The following ZNF563 variants were observed in gnomAD, a reference collection of about 807,000 sequenced individuals.
ZNF563 encodes the protein zinc finger protein 563.
A neutral mutation model predicts 48.5 loss-of-function variants in ZNF563; 39 were observed. The observed-to-expected ratio is 0.80, with a 90% CI of 0.62 to 1.05. The LOEUF is 1.05. ZNF563 is among the 50% of genes least tolerant of loss of function. ZNF563 has a pLI of 0.00. For missense variants in ZNF563, 538 were observed against 597.0 expected (o/e 0.90, Z 1.03); for synonymous variants, 168 against 187.9 (o/e 0.89, Z 0.87).
upstream of ZNF563, among the ~76,000 whole-genome samples, chr19:12,338,120 A>G (rs1465950030): frequency 1.3e-5 from 2 of 152,162 alleles, no homozygotes; most frequent in Non-Finnish European, 2.9e-5. Flanking sequence ...AGAAAGGAAG[A>G]AAACAAACAA....
upstream of ZNF563, among the ~76,000 whole-genome samples, chr19:12,334,107 A>G (rs1968987655): frequency 6.6e-6 from 1 of 152,104 alleles, no homozygotes; most frequent in African/African-American, 2.4e-5. Context: ...GGGCATCAGG[A>G]TTTGAGGATG....
intron 2 of ZNF563, among the ~76,000 whole-genome samples, chr19:12,322,372 C>T (rs1447674685): frequency 6.6e-6 from 1 of 152,098 alleles, no homozygotes; most frequent in Non-Finnish European, 1.5e-5. Flanking sequence ...GTTTATGTTA[C>T]CAGTAAGGCT....
At chr19:12,322,551 A>G (rs1387796576) in intron 2 of ZNF563, 34 bp downstream of exon 2, 3 of 1,561,192 alleles carry the variant, frequency 1.9e-6, no homozygotes, top group Non-Finnish European at 2.6e-6. Context: ...AAATGTCTGT[A>G]ATTGATTAAG....
At chr19:12,325,718 G>A (rs1276711095) in intron 1 of ZNF563, among the ~76,000 whole-genome samples, 2 of 152,158 alleles carry the variant, frequency 1.3e-5, no homozygotes, top group Admixed American at 1.3e-4. Context: ...GTTTTAAACA[G>A]CCTTGCTAAG....
chr19:12,340,165 C>T, the ZNF563 span, among the ~76,000 whole-genome samples: 12 of 152,132 alleles, frequency 7.9e-5, no homozygotes, highest in African/African-American at 2.9e-4. Flanking sequence ...CAAAACCGGT[C>T]TCTACAGAAA....
At chr19:12,328,927 T>C (rs1311517408) in intron 1 of ZNF563, among the ~76,000 whole-genome samples, 18 of 152,074 alleles carry the variant, frequency 1.2e-4, no homozygotes, top group Admixed American at 1.2e-3. Flanking sequence ...AAGAAACTTG[T>C]CACATGAAAT....
In ZNF563 at chr19:12,320,508, A is replaced by AT. The variant is rs982767428; in HGVS notation, c.192-676dup. On this transcript the variant is annotated intron_variant, in intron 3 of 3. Transcript: ENST00000293725. ...AGGTGTGCACCAACACACTTGGCTA[A>AT]TTTTTTTTTTGAGACGGAGTCTTGC... Among the ~76,000 whole-genome samples, 817 of 148,728 alleles carry AT rather than the reference A, an allele frequency of 5.5e-3. 6 individuals carry two copies. The highest frequency in any genetic ancestry group is 0.019 in the African/African-American group (761 of 40,546).
Position 12,322,572 on chromosome 19 carries a change from G to T in ZNF563, c.130+13C>A. ...CTGTAATTGATTAAGTGAAGACATG[G>T]TATCATCCTTACTTATACAGTCCAG... On this transcript the variant is annotated intron_variant, in intron 2 of 3. Transcript: ENST00000293725. 1 of 1,583,610 alleles carries T rather than the reference G, an allele frequency of 6.3e-7. No individual in the cohort carries two copies. The highest frequency in any genetic ancestry group is 8.6e-7 in the Non-Finnish European group (1 of 1,164,524).
At chr19:12,328,552 C>A (rs566621778) in intron 1 of ZNF563, among the ~76,000 whole-genome samples, 1 of 152,208 alleles carries the variant, frequency 6.6e-6, no homozygotes, top group South Asian at 2.1e-4. Context: ...GAGGGCAGAT[C>A]ACCTGAGGTC....
At chr19:12,343,804 C>T in the ZNF563 span, among the ~76,000 whole-genome samples, 1 of 145,104 alleles carries the variant, frequency 6.9e-6, no homozygotes. Flanking sequence ...GATCTTGGCT[C>T]ACCGTAAGCT....
chr19:12,339,273 CTTTTTTTTTT>C, the ZNF563 span, among the ~76,000 whole-genome samples: 20 of 86,476 alleles, frequency 2.3e-4, no homozygotes, highest in East Asian at 7.6e-3. Context: ...CAGTTGATTT[CTTTTTTTTTT>C]TTTTTTTTTT....
chr19:12,324,753 C>T (rs1237647590), intron 1 of ZNF563, among the ~76,000 whole-genome samples: 2 of 148,160 alleles, frequency 1.3e-5, no homozygotes, highest in Non-Finnish European at 3.0e-5. Flanking sequence ...AACCCTCTCA[C>T]CAACAAAGTG....
At chr19:12,324,720 G>GGAAA (rs1269994153) in intron 1 of ZNF563, among the ~76,000 whole-genome samples, 2 of 56,792 alleles carry the variant, frequency 3.5e-5, no homozygotes, top group Admixed American at 2.1e-4. Context: ...TCCGTCTCAA[G>GGAAA]AAAAAAAAAA....
At chr19:12,334,903 T>C (rs1482407144), upstream of ZNF563, among the ~76,000 whole-genome samples, 2 of 150,188 alleles carry the variant, frequency 1.3e-5, no homozygotes, top group Non-Finnish European at 1.5e-5. Context: ...AAGGTTACTT[T>C]AAGGTACTGA....
At chr19:12,329,065 G>T (rs1968861884) in intron 1 of ZNF563, among the ~76,000 whole-genome samples, 1 of 152,162 alleles carries the variant, frequency 6.6e-6, no homozygotes, top group South Asian at 2.1e-4. Context: ...TCTAAAATCA[G>T]TGCTCTAACT....
At chr19:12,344,960 G>C in the ZNF563 span, among the ~76,000 whole-genome samples, 3 of 151,762 alleles carry the variant, frequency 2.0e-5, no homozygotes, top group African/African-American at 7.3e-5. Flanking sequence ...AATCCAAAAA[G>C]AAAATTAAGA....
chr19:12,322,748 G>C, intron 1 of ZNF563, 37 bp from the exon 2 acceptor site: 1 of 1,545,202 alleles, frequency 6.5e-7, no homozygotes. Flanking sequence ...GAAAGGTTGA[G>C]TGACAGTACT....
chr19:12,341,359 C>T, the ZNF563 span, among the ~76,000 whole-genome samples: 1 of 152,084 alleles, frequency 6.6e-6, no homozygotes, highest in African/African-American at 2.4e-5. Context: ...GCCTTAAGGG[C>T]TTTCTTATCA....
intron 1 of ZNF563, among the ~76,000 whole-genome samples, chr19:12,329,769 A>G (rs1219936033): frequency 1.3e-5 from 2 of 152,340 alleles, no homozygotes; most frequent in Non-Finnish European, 2.9e-5. Flanking sequence ...AATTGAATCA[A>G]TAAATGATAA....
Sources: gnomAD v4.1 joint callset for allele counts (sites outside exome capture counted in the v4.1 genomes callset) on GRCh38, gnomAD v4.1.1 for gene constraint, MANE v1.5 for transcripts, NCBI Gene and HGNC (gene_info 2026-07-23, HGNC 2026-07-21) for gene names.